SLC71A1: variants seen among roughly 807,000 people sequenced by gnomAD.
The protein encoded by SLC71A1 is hippocampus abundant gene transcript 1.
the SLC71A1 span, among the ~76,000 whole-genome samples, chr1:100,042,301 G>T: frequency 6.6e-6 from 1 of 152,140 alleles, no homozygotes; most frequent in Non-Finnish European, 1.5e-5. Flanking sequence ...TGCATGGTCG[G>T]AAGTACCTGA....
At chr1:100,064,133 G>GTA in the SLC71A1 span, among the ~76,000 whole-genome samples, 33 of 151,878 alleles carry the variant, frequency 2.2e-4, no homozygotes, top group Middle Eastern at 3.2e-3. Flanking sequence ...GTATGTGTGT[G>GTA]TATATATATA....
At chr1:100,073,811 A>G in the SLC71A1 span, among the ~76,000 whole-genome samples, 4 of 152,330 alleles carry the variant, frequency 2.6e-5, no homozygotes, top group African/African-American at 9.6e-5. Flanking sequence ...TTCATCAGCT[A>G]TGCCATCTTG....
chr1:100,052,157 T>C, the SLC71A1 span, among the ~76,000 whole-genome samples: 2 of 152,328 alleles, frequency 1.3e-5, no homozygotes, highest in South Asian at 2.1e-4. Context: ...GTGATCAAAA[T>C]GTGGATGAGC....
the SLC71A1 span, chr1:100,078,363 C>T: frequency 1.2e-6 from 1 of 845,066 alleles, no homozygotes; most frequent in Admixed American, 2.2e-5. Context: ...ACAGCCATTT[C>T]ACAGTAAGAA....
the SLC71A1 span, chr1:100,082,009 A>C: frequency 6.2e-7 from 1 of 1,611,680 alleles, no homozygotes; most frequent in Non-Finnish European, 8.5e-7. Context: ...TCAGAATTCC[A>C]TCATCCCTGG....
chr1:100,052,631 C>A, the SLC71A1 span, among the ~76,000 whole-genome samples: 1 of 151,718 alleles, frequency 6.6e-6, no homozygotes, highest in Non-Finnish European at 1.5e-5. Context: ...GGGGTTTCAC[C>A]ATGTTGACCA....
chr1:100,076,713 A>C, the SLC71A1 span, among the ~76,000 whole-genome samples: 1 of 152,216 alleles, frequency 6.6e-6, no homozygotes, highest in East Asian at 1.9e-4. Context: ...TATAAAAGGC[A>C]TCATGGTTTC....
the SLC71A1 span, among the ~76,000 whole-genome samples, chr1:100,054,283 G>A: frequency 1.3e-5 from 2 of 151,606 alleles, no homozygotes; most frequent in Admixed American, 1.3e-4. Context: ...GCACTATCTC[G>A]GCTCACTGCA....
At chr1:100,046,205 A>G in the SLC71A1 span, among the ~76,000 whole-genome samples, 1 of 136,624 alleles carries the variant, frequency 7.3e-6, no homozygotes, top group African/African-American at 2.7e-5. Flanking sequence ...TGATTCCTCC[A>G]AGCCTCGTTT....
At chr1:100,077,212 C>T in the SLC71A1 span, 1 of 1,590,320 alleles carries the variant, frequency 6.3e-7, no homozygotes, top group South Asian at 1.1e-5. Context: ...ATAAGAACAC[C>T]ATTTTACTGG....
chr1:100,078,410 GAGA>G, the SLC71A1 span: 2 of 1,286,634 alleles, frequency 1.6e-6, no homozygotes, highest in Non-Finnish European at 1.1e-6. Context: ...AGGTACAGTG[GAGA>G]AGAATTTACT....
the SLC71A1 span, chr1:100,078,625 G>GA: frequency 9.9e-7 from 1 of 1,012,700 alleles, no homozygotes; most frequent in Non-Finnish European, 1.5e-6. Context: ...CCTATGTACT[G>GA]AAACATAAGT....
chr1:100,049,845 G>C, the SLC71A1 span: 1 of 793,616 alleles, frequency 1.3e-6, no homozygotes, highest in Non-Finnish European at 2.1e-6. Flanking sequence ...CGTTGTTATT[G>C]TTAATAATTA....
the SLC71A1 span, chr1:100,057,888 A>G: frequency 6.6e-6 from 1 of 152,206 alleles, no homozygotes; most frequent in East Asian, 1.9e-4. Flanking sequence ...GCATTGGATA[A>G]TAGAAGCATT....
the SLC71A1 span, chr1:100,077,352 G>T: frequency 1.3e-6 from 1 of 757,876 alleles, no homozygotes; most frequent in African/African-American, 1.8e-5. Context: ...CTTCTCAACT[G>T]AGGGGTAGAC....
chr1:100,057,552 G>A, the SLC71A1 span, among the ~76,000 whole-genome samples: 4 of 151,636 alleles, frequency 2.6e-5, no homozygotes, highest in Non-Finnish European at 5.9e-5. Context: ...ATGAGGTTTC[G>A]ACATGTTGGC....
chr1:100,065,671 C>T, the SLC71A1 span, among the ~76,000 whole-genome samples: 1 of 145,804 alleles, frequency 6.9e-6, no homozygotes, highest in African/African-American at 2.6e-5. Flanking sequence ...TTTCCTTTCC[C>T]TTCCCCTTTC....
At chr1:100,068,603 C>T in the SLC71A1 span, 18 of 1,340,320 alleles carry the variant, frequency 1.3e-5, no homozygotes, top group African/African-American at 1.7e-4. Context: ...TCCTCTTCCA[C>T]TAAGGTGGAC....
chr1:100,058,519 A>ATT, the SLC71A1 span: 1 of 600,148 alleles, frequency 1.7e-6, no homozygotes, highest in Non-Finnish European at 3.0e-6. Flanking sequence ...ATATTTGGTT[A>ATT]TTAATGGTCA....
Sources: allele counts gnomAD v4.1 joint callset (sites outside exome capture counted in the v4.1 genomes callset), GRCh38; gene constraint gnomAD v4.1.1; transcripts MANE v1.5; gene names NCBI Gene and HGNC (gene_info 2026-07-23, HGNC 2026-07-21).